ADCY4: variants seen among roughly 807,000 people sequenced by gnomAD.
ADCY4 encodes the protein adenylate cyclase 4.
Under a neutral mutation model 125.5 loss-of-function variants are expected in ADCY4, and 111 were observed. The ratio of observed to expected loss-of-function variants is 0.88; its 90% CI spans 0.76 to 1.04. The LOEUF (loss-of-function observed/expected upper bound fraction) is 1.04, where lower values mean the gene tolerates loss of function less well. Among genes scored for constraint, ADCY4 ranks in the 50% least tolerant of loss-of-function variants. ADCY4 has a pLI of 0.00. For synonymous variants in ADCY4, 576 were observed against 586.9 expected (o/e 0.98, Z 0.27); for missense variants, 1,256 against 1,382.9 (o/e 0.91, Z 1.46).
chr14:24,323,329 T>C lies in ADCY4; in HGVS notation c.2157+15A>G. 1 of 1,541,476 alleles carries C rather than the reference T, an allele frequency of 6.5e-7. No individual in the cohort carries two copies. Among genetic ancestry groups the C allele is most frequent in the Non-Finnish European group, 8.8e-7 (1 of 1,137,372 alleles). On this transcript the variant is annotated intron_variant, in intron 17 of 24. Transcript: ENST00000418030. Reference sequence around the variant, plus strand: ...GGTGTGCAGAAGGAGATTAAGGGCATGTGGGAACACTCACTGGGACACTGA... The same window carrying C: ...GGTGTGCAGAAGGAGATTAAGGGCACGTGGGAACACTCACTGGGACACTGA...
At chr14:24,333,227 G>C (rs563413717) in intron 1 of ADCY4, among the ~76,000 whole-genome samples, 57 of 152,144 alleles carry the variant, frequency 3.7e-4, no homozygotes, top group Non-Finnish European at 8.8e-5. Context: ...TTGGTTGGTT[G>C]GTTTGTTTTT....
chr14:24,324,703 T>A (rs1303581612), intron 14 of ADCY4, among the ~76,000 whole-genome samples: 1 of 151,810 alleles, frequency 6.6e-6, no homozygotes, highest in Non-Finnish European at 1.5e-5. Flanking sequence ...GGCTGAGTTT[T>A]TTTTTTTTCT....
At chr14:24,325,908 G>A in intron 12 of ADCY4, 21 bp from the exon 13 acceptor site, 2 of 1,579,370 alleles carry the variant, frequency 1.3e-6, no homozygotes, top group Non-Finnish European at 1.7e-6. Flanking sequence ...GTGGGAGGGT[G>A]GGTGAAAGCA....
In ADCY4 at chr14:24,324,087, A is replaced by G. The variant is rs1254582321; in HGVS notation, c.2021T>C (p.Val674Ala). The G allele has an allele frequency of 1.2e-6, 2 of 1,614,124 alleles. No individual in the cohort carries two copies. Among genetic ancestry groups the G allele is most frequent in the African/African-American group, 2.7e-5 (2 of 74,940 alleles). ...CAGGCTGGTAATGGCCATGGCAAAG[A>G]CAAGGAGGATGGTGGCGGTGCCCAA... ...IALGTATILL[V>A]FAMAITSLFF... is the part of the protein sequence containing the mutation. Residue 674 changes from valine to alanine, a missense_variant, in exon 16 of 25, where the codon GTC (valine) becomes GCC (alanine). Physicochemically the swap from Val to Ala is moderately conservative, Grantham distance 64. Transcript: ENST00000418030.
chr14:24,322,248 TG>T (rs745896571), intron 19 of ADCY4, 24 bp from the exon 20 acceptor site: 6 of 1,601,400 alleles, frequency 3.7e-6, no homozygotes, highest in Non-Finnish European at 5.1e-6. Flanking sequence ...CCCGGGGCCA[TG>T]GGGAGACACA....
chr14:24,329,689 G>A (rs1328338326), intron 8 of ADCY4, among the ~76,000 whole-genome samples, 156 bp from the exon 9 acceptor site: 1 of 152,106 alleles, frequency 6.6e-6, no homozygotes, highest in Non-Finnish European at 1.5e-5. Flanking sequence ...CTGTGTTACA[G>A]GAGGTGCCTC....
rs113506596 is a variant in ADCY4 at position 24,321,092 on chromosome 14, CTT to C, written c.2586+972_2586+973del. On this transcript the variant is annotated intron_variant, in intron 20 of 24. Coordinates refer to ENST00000418030, the MANE Select transcript of ADCY4 (RefSeq NM_001198568.2). ...GGTTGGTGCAAAATTAATTGCATTT[CTT>C]TTTTTTTTTTTTTTTTGCCATTAAA... Among the ~76,000 whole-genome samples the C allele has an allele frequency of 5.2e-3, 631 of 120,204 alleles. 2 individuals are homozygous for C. Among genetic ancestry groups the C allele is most frequent in the African/African-American group, 0.014 (450 of 32,696 alleles). 78.9% of individuals were successfully genotyped at this position (120,204 alleles called of 152,430 possible). A position where few individuals can be genotyped will look rare whatever the true frequency, so the allele number is the denominator to read the frequency against.
In ADCY4 at chr14:24,322,084, G is replaced by A; in HGVS notation, c.2568C>T (p.Gly856=). The A allele has an allele frequency of 6.2e-7, 1 of 1,613,626 alleles. No homozygotes were observed. Among genetic ancestry groups the A allele is most frequent in the Non-Finnish European group, 8.5e-7 (1 of 1,179,600 alleles). The part of the protein sequence containing the change: ...LPAHVAPQFI[G]QNRRNEDLYH... ...GAGTCACCTCGTTGCGCCGGTTCTG[G>A]CCAATGAACTGGGGGGCCACGTGTG... Residue 856 remains glycine (G), a synonymous_variant, in exon 20 of 25, where the codon GGC becomes GGT. Coordinates refer to ENST00000418030, the MANE Select transcript of ADCY4 (RefSeq NM_001198568.2).
Position 24,332,510 on chromosome 14 carries a change from T to C in ADCY4, c.519+12A>G. On this transcript the variant is annotated intron_variant, in intron 3 of 24. Coordinates refer to ENST00000418030, the MANE Select transcript of ADCY4 (RefSeq NM_001198568.2). ...CCGTCCTGAGCGCAGCCTGTGCTAC[T>C]TGCGTGCTCACCTGCGGCAGCAGTG... 6.4e-7 allele frequency: 1 copy of C among 1,558,384 alleles called. No homozygotes were observed. The highest frequency in any genetic ancestry group is 1.2e-5 in the South Asian group (1 of 84,842).
chr14:24,325,752 A>T lies in ADCY4; in HGVS notation c.1725+66T>A. ...ACTTGGGGAGGAGACCCAAGGGCTG[A>T]CCCCTCCCCAGCACCAAGGAACTAA... On this transcript the variant is annotated intron_variant, in intron 13 of 24. Transcript: ENST00000418030. 2.0e-6 allele frequency: 3 copies of T among 1,533,882 alleles called. No individual in the cohort carries two copies. In the South Asian group the frequency reaches 3.6e-5, roughly 18 times the overall value.
In ADCY4 at chr14:24,334,569, C is replaced by T. The variant is rs1347928756; in HGVS notation, c.84G>A (p.Pro28=). ...ETYYSLSQQY[P]LLLLLLGIVL... ...CGATCCCCAGCAGCAGCAGCAGCAG[C>T]GGGTACTGCTGGCTCAGGCTGTAGT... Residue 28 remains proline (P), a synonymous_variant, in exon 1 of 25, where the codon CCG becomes CCA. Coordinates refer to ENST00000418030, the MANE Select transcript of ADCY4 (RefSeq NM_001198568.2). The T allele has an allele frequency of 1.9e-6, 3 of 1,580,112 alleles. No individual in the cohort carries two copies. Among genetic ancestry groups the T allele is most frequent in the East Asian group, 2.3e-5 (1 of 43,476 alleles).
intron 17 of ADCY4, 70 bp from the exon 18 acceptor site, chr14:24,323,158 T>C: frequency 6.5e-7 from 1 of 1,541,878 alleles, no homozygotes; most frequent in South Asian, 1.2e-5. Flanking sequence ...GAGGGCTCCC[T>C]TCCTGTCCCT....
chr14:24,325,376 C>T lies in ADCY4; in HGVS notation c.1823+1G>A, dbSNP rs2041925806. On this transcript the variant is annotated splice_donor_variant, in intron 14 of 24. Transcript: ENST00000418030. LOFTEE classifies it high-confidence loss of function. The stretch of plus-strand genomic sequence containing the variant: ...GCCTCCTTTGCCTGGGGCACTCTCA[C>T]CTGTTTGTCACTAGCATCTGGATGA... 2 of 1,613,078 alleles carry T rather than the reference C, an allele frequency of 1.2e-6. No individual in the cohort carries two copies. The highest frequency in any genetic ancestry group is 1.7e-5 in the Admixed American group (1 of 59,942).
Position 24,332,594 on chromosome 14 carries a change from TGAG to T in ADCY4, c.444_446del (p.Ser149del), listed in dbSNP as rs2042059830. ...GCCCGAGGACCAGCAGATGCGAGAG[TGAG>T]GAGGCGAGGCCCGCGACGGCGGCGT... On this transcript the variant is annotated inframe_deletion, in exon 3 of 25. Coordinates refer to ENST00000418030, the MANE Select transcript of ADCY4 (RefSeq NM_001198568.2). 1 of 1,578,096 alleles carries T rather than the reference TGAG, an allele frequency of 6.3e-7. No individual in the cohort carries two copies.
chr14:24,325,025 G>T (rs2041920172), intron 14 of ADCY4, among the ~76,000 whole-genome samples: 1 of 152,124 alleles, frequency 6.6e-6, no homozygotes, highest in African/African-American at 2.4e-5. Context: ...TTAAGAACAA[G>T]TCCTCATCCC....
At position 24,329,881 on chromosome 14, in the gene ADCY4, ATG is replaced by A; in HGVS notation, c.1194_1195del (p.Met399GlyfsTer57). 1.2e-6 allele frequency: 2 copies of A among 1,613,980 alleles called. No homozygotes were observed. The highest frequency in any genetic ancestry group is 1.7e-6 in the Non-Finnish European group (2 of 1,179,930). ...TCACCCTGGTACACCGCCTGCCTCCATGTGGTTAGCCAGTGTGACATCATGTG... is the reference window on the plus strand; with the variant it reads ...TCACCCTGGTACACCGCCTGCCTCCATGGTTAGCCAGTGTGACATCATGTG... On this transcript the variant is annotated frameshift_variant, in exon 8 of 25. Transcript: ENST00000418030. LOFTEE classifies it high-confidence loss of function.
chr14:24,318,913 AG>A, intron 23 of ADCY4, 135 bp from the exon 24 acceptor site: 1 of 1,439,276 alleles, frequency 6.9e-7, no homozygotes, highest in Non-Finnish European at 9.5e-7. Flanking sequence ...GGAGGAATGT[AG>A]CTTAAGAAAA....
intron 1 of ADCY4, among the ~76,000 whole-genome samples, chr14:24,333,404 T>C (rs79030727): frequency 6.6e-6 from 1 of 151,808 alleles, no homozygotes; most frequent in Non-Finnish European, 1.5e-5. Flanking sequence ...TTTTTTTGTA[T>C]TTTTAGTAGA....
intron 20 of ADCY4, 33 bp downstream of exon 20, chr14:24,322,033 C>T: frequency 6.3e-7 from 1 of 1,587,392 alleles, no homozygotes; most frequent in Non-Finnish European, 8.6e-7. Flanking sequence ...CCTATGGCAT[C>T]CGTGGCTCAG....
Sources: gnomAD v4.1 joint callset for allele counts (sites outside exome capture counted in the v4.1 genomes callset) on GRCh38, gnomAD v4.1.1 for gene constraint, MANE v1.5 for transcripts, NCBI Gene and HGNC (gene_info 2026-07-23, HGNC 2026-07-21) for gene names.